LRRTM4: variants seen among roughly 807,000 people sequenced by gnomAD.
The protein encoded by LRRTM4 is leucine-rich repeat transmembrane neuronal protein 4.
LRRTM4 carries 25 observed loss-of-function variants against 47.6 expected under a neutral mutation model. That is an observed-to-expected ratio of 0.53 (90% CI 0.38 to 0.73). The LOEUF is 0.73. Among genes scored for constraint, LRRTM4 ranks in the 30% least tolerant of loss-of-function variants. The pLI, the probability that LRRTM4 is intolerant of heterozygous loss-of-function variation, is 0.00. For synonymous variants in LRRTM4, 311 were observed against 269.5 expected, an observed-to-expected ratio of 1.15 and a Z score of -1.51; for missense variants, 638 against 713.4, an observed-to-expected ratio of 0.89 and a Z score of 1.20.
intron 3 of LRRTM4, among the ~76,000 whole-genome samples, chr2:76,919,803 TA>T (rs927371786): frequency 6.6e-6 from 1 of 152,162 alleles, no homozygotes; most frequent in African/African-American, 2.4e-5. Flanking sequence ...TATTGAAGGT[TA>T]AAAAGTATAT....
chr2:76,773,127 G>C (rs1652959045), intron 3 of LRRTM4: 3 of 152,212 alleles, frequency 2.0e-5, no homozygotes, highest in Admixed American at 2.0e-4. Flanking sequence ...CTTTCTCAAG[G>C]ACCTGGGAGA....
chr2:76,766,253 C>G (rs941360345), intron 3 of LRRTM4, among the ~76,000 whole-genome samples: 12 of 152,288 alleles, frequency 7.9e-5, no homozygotes, highest in African/African-American at 2.9e-4. Flanking sequence ...TTGTTCCTTT[C>G]TTGTGCTAAG....
chr2:77,283,366 T>A (rs1033766427), intron 3 of LRRTM4, among the ~76,000 whole-genome samples: 4 of 152,008 alleles, frequency 2.6e-5, no homozygotes, highest in African/African-American at 9.7e-5. Flanking sequence ...AACACTTATA[T>A]ACTGTTGGTT....
At chr2:77,006,211 A>C (rs1367796112) in intron 3 of LRRTM4, among the ~76,000 whole-genome samples, 1 of 152,166 alleles carries the variant, frequency 6.6e-6, no homozygotes, top group African/African-American at 2.4e-5. Flanking sequence ...TATGGCTTAG[A>C]ATAAAATGGA....
intron 3 of LRRTM4, among the ~76,000 whole-genome samples, chr2:77,180,519 AG>A (rs1416518235): frequency 6.6e-6 from 1 of 152,142 alleles, no homozygotes; most frequent in African/African-American, 2.4e-5. Flanking sequence ...AATAAAATGG[AG>A]ATTTAGTTCT....
chr2:77,327,764 A>G (rs965682542), intron 3 of LRRTM4, among the ~76,000 whole-genome samples: 15 of 152,170 alleles, frequency 9.9e-5, no homozygotes, highest in African/African-American at 3.4e-4. Flanking sequence ...CTTGAAACCA[A>G]TACAATAGCT....
intron 3 of LRRTM4, among the ~76,000 whole-genome samples, chr2:76,858,231 C>T (rs1458248811): frequency 6.6e-6 from 1 of 152,066 alleles, no homozygotes; most frequent in Admixed American, 6.6e-5. Context: ...GGCTACCCTG[C>T]CTAAGATGGA....
intron 3 of LRRTM4, among the ~76,000 whole-genome samples, chr2:77,014,380 G>A (rs1412147869): frequency 6.6e-6 from 1 of 151,922 alleles, no homozygotes; most frequent in Admixed American, 6.6e-5. Context: ...TATTTCAAAT[G>A]TACAGAACAC....
intron 3 of LRRTM4, among the ~76,000 whole-genome samples, chr2:77,219,282 T>C (rs758504942): frequency 2.0e-5 from 3 of 152,162 alleles, no homozygotes; most frequent in Admixed American, 1.3e-4. Flanking sequence ...TTTTGCACCA[T>C]CTGGTTATGT....
chr2:76,813,548 T>C (rs1414140056), intron 3 of LRRTM4, among the ~76,000 whole-genome samples: 2 of 152,158 alleles, frequency 1.3e-5, no homozygotes, highest in African/African-American at 2.4e-5. Context: ...AAATATATAA[T>C]TTATGTATTT....
At chr2:76,935,233 T>G (rs1475636566) in intron 3 of LRRTM4, among the ~76,000 whole-genome samples, 6 of 152,120 alleles carry the variant, frequency 3.9e-5, no homozygotes, top group African/African-American at 9.7e-5. Context: ...ATATTATATA[T>G]GCAAAAGCTT....
At chr2:77,440,327 T>C (rs1291975677) in intron 3 of LRRTM4, among the ~76,000 whole-genome samples, 2 of 151,904 alleles carry the variant, frequency 1.3e-5, no homozygotes, top group Non-Finnish European at 2.9e-5. Flanking sequence ...GGCAGGAGAA[T>C]GGTGTGAACT....
intron 3 of LRRTM4, among the ~76,000 whole-genome samples, chr2:77,362,640 G>A (rs1672286069): frequency 6.6e-6 from 1 of 152,182 alleles, no homozygotes; most frequent in South Asian, 2.1e-4. Context: ...TTTTGTCCCA[G>A]AGAAGCCCAT....
chr2:76,816,612 C>A (rs2103842474), intron 3 of LRRTM4, among the ~76,000 whole-genome samples: 1 of 151,620 alleles, frequency 6.6e-6, no homozygotes, highest in East Asian at 2.0e-4. Context: ...TCCAATGTAA[C>A]TCTAATAATC....
intron 3 of LRRTM4, among the ~76,000 whole-genome samples, chr2:76,869,384 T>C (rs916347611): frequency 6.6e-5 from 10 of 152,150 alleles, no homozygotes; most frequent in African/African-American, 2.4e-4. Context: ...TTCTTTGTCT[T>C]TCAGATTGTA....
chr2:76,916,611 A>G (rs1674261435), intron 3 of LRRTM4, among the ~76,000 whole-genome samples: 1 of 152,084 alleles, frequency 6.6e-6, no homozygotes, highest in Admixed American at 6.5e-5. Flanking sequence ...CCCAGTTAGA[A>G]AAGAAGAATG....
chr2:77,471,283 A>T (rs1677178536), intron 3 of LRRTM4, among the ~76,000 whole-genome samples: 1 of 152,144 alleles, frequency 6.6e-6, no homozygotes, highest in Non-Finnish European at 1.5e-5. Context: ...CATCATCAGC[A>T]AATCCTATTA....
At chr2:77,231,210 C>T (rs1674954305) in intron 3 of LRRTM4, among the ~76,000 whole-genome samples, 2 of 151,318 alleles carry the variant, frequency 1.3e-5, no homozygotes, top group Non-Finnish European at 2.9e-5. Flanking sequence ...TACACATGCA[C>T]ACACACACAC....
chr2:76,894,017 A>G (rs1046063233), intron 3 of LRRTM4, among the ~76,000 whole-genome samples: 5 of 151,944 alleles, frequency 3.3e-5, no homozygotes, highest in African/African-American at 1.2e-4. Flanking sequence ...TCCCAATTAA[A>G]GTCAAATGTG....
Sources: allele counts gnomAD v4.1 joint callset (sites outside exome capture counted in the v4.1 genomes callset), GRCh38; gene constraint gnomAD v4.1.1; transcripts MANE v1.5; gene names NCBI Gene and HGNC (gene_info 2026-07-23, HGNC 2026-07-21).